GULP1: variants seen among roughly 807,000 people sequenced by gnomAD.
GULP1 encodes the protein GULP PTB domain containing engulfment adaptor 1.
In GULP1, 19 loss-of-function variants were observed where a neutral mutation model predicts 40.9. The observed-to-expected ratio is 0.46, with a 90% CI of 0.32 to 0.68. The LOEUF (loss-of-function observed/expected upper bound fraction) is 0.68, where lower values mean the gene tolerates loss of function less well. Ranked by LOEUF, GULP1 falls within the 30% of genes least tolerant of loss-of-function variation. GULP1 has a pLI of 0.03. For missense variants in GULP1, 312 were observed against 362.2 expected (o/e 0.86, Z 1.12); for synonymous variants, 119 against 117.6 (o/e 1.01, Z -0.08).
intron 2 of GULP1, among the ~76,000 whole-genome samples, chr2:188,431,431 A>G (rs1381988553): frequency 3.3e-5 from 5 of 152,202 alleles, no homozygotes; most frequent in Non-Finnish European, 5.9e-5. Context: ...AGCAGGGTAT[A>G]GAAACTGAAC....
Position 188,439,520 on chromosome 2 carries a change from C to T in GULP1, c.-44-38139C>T, listed in dbSNP as rs149622232. Among the ~76,000 whole-genome samples, 162 of 152,038 alleles carry T rather than the reference C, an allele frequency of 1.1e-3. 2 individuals are homozygous for T. The highest frequency in any genetic ancestry group is 7.5e-3 in the South Asian group (36 of 4,812). On this transcript the variant is annotated intron_variant, in intron 2 of 11. Transcript: ENST00000409830. ...ATCCACACAATGGAATGGTAATTGG[C>T]CTTTAAAAATGTGAGATGTGAGAAA...
At chr2:188,511,705 A>G (rs1005745140) in intron 4 of GULP1, among the ~76,000 whole-genome samples, 3 of 152,194 alleles carry the variant, frequency 2.0e-5, no homozygotes, top group Admixed American at 1.3e-4. Context: ...ACAAGAGACT[A>G]TAAAAATAAT....
chr2:188,555,527 T>A lies in GULP1; in HGVS notation c.400-13712T>A, dbSNP rs554889475. 5.3e-5 allele frequency among the ~76,000 whole-genome samples: 8 copies of A among 152,304 alleles called. No homozygotes were observed. The South Asian group carries it at 1.7e-3, about 32-fold the overall frequency. ...TTTTTTTCTTTTAGCACTTTGAATATTTTAGCCCATTCTCTTCTAGTCTGT... is the reference window on the plus strand; with the variant it reads ...TTTTTTTCTTTTAGCACTTTGAATAATTTAGCCCATTCTCTTCTAGTCTGT... On this transcript the variant is annotated intron_variant, in intron 7 of 11. Coordinates refer to ENST00000409830, the MANE Select transcript of GULP1 (RefSeq NM_016315.4).
At chr2:188,344,028 C>T (rs1284142252) in intron 1 of GULP1, among the ~76,000 whole-genome samples, 4 of 152,038 alleles carry the variant, frequency 2.6e-5, no homozygotes, top group South Asian at 2.1e-4. Flanking sequence ...AGGCTGGCCT[C>T]GAACTCCCGA....
intron 4 of GULP1, among the ~76,000 whole-genome samples, chr2:188,506,355 G>A (rs527701779): frequency 6.6e-6 from 1 of 151,904 alleles, no homozygotes; most frequent in East Asian, 1.9e-4. Flanking sequence ...TTTCAAATCA[G>A]TACATAAAAG....
At chr2:188,349,305 T>C (rs2044129972) in intron 1 of GULP1, among the ~76,000 whole-genome samples, 1 of 152,212 alleles carries the variant, frequency 6.6e-6, no homozygotes, top group African/African-American at 2.4e-5. Context: ...ATGTTTAATA[T>C]TTTGAGGGCC....
At chr2:188,332,882 G>A (rs1445633476) in intron 1 of GULP1, among the ~76,000 whole-genome samples, 3 of 152,134 alleles carry the variant, frequency 2.0e-5, no homozygotes. Flanking sequence ...CAATTTTGCG[G>A]TAACTTATAT....
intron 9 of GULP1, among the ~76,000 whole-genome samples, chr2:188,581,785 C>A (rs567377145): frequency 2.9e-4 from 44 of 152,260 alleles, no homozygotes; most frequent in Non-Finnish European, 5.7e-4. Context: ...CTACCTCATA[C>A]AAGTCACAAA....
intron 4 of GULP1, among the ~76,000 whole-genome samples, chr2:188,490,641 A>G (rs1423708252): frequency 6.6e-6 from 1 of 152,038 alleles, no homozygotes; most frequent in Non-Finnish European, 1.5e-5. Context: ...TGATATTTTT[A>G]TTAACATAAT....
At chr2:188,452,802 A>G (rs72911463) in intron 2 of GULP1, among the ~76,000 whole-genome samples, 1,839 of 152,322 alleles carry the variant, frequency 0.012, 15 homozygotes, top group East Asian at 0.023. Context: ...TTCTAGAGGT[A>G]GAATTTGAAT....
intron 2 of GULP1, among the ~76,000 whole-genome samples, chr2:188,403,861 T>C (rs2052668064): frequency 6.6e-6 from 1 of 152,168 alleles, no homozygotes; most frequent in East Asian, 1.9e-4. Flanking sequence ...CTGTTTATCT[T>C]CTGTGGTCTA....
intron 1 of GULP1, among the ~76,000 whole-genome samples, chr2:188,342,781 C>G (rs1210645996): frequency 6.6e-6 from 1 of 152,122 alleles, no homozygotes; most frequent in Non-Finnish European, 1.5e-5. Flanking sequence ...TGCTACTTCT[C>G]TAGTAAAAAT....
intron 1 of GULP1, among the ~76,000 whole-genome samples, chr2:188,347,146 AT>A (rs1458980859): frequency 6.6e-6 from 1 of 152,182 alleles, no homozygotes; most frequent in African/African-American, 2.4e-5. Context: ...ATTAGTAGCA[AT>A]AGCTGCAGGT....
At chr2:188,455,834 G>T (rs564946523) in intron 2 of GULP1, among the ~76,000 whole-genome samples, 1 of 152,308 alleles carries the variant, frequency 6.6e-6, no homozygotes, top group African/African-American at 2.4e-5. Context: ...GACACTTGTT[G>T]AATGGCTTTG....
intron 9 of GULP1, among the ~76,000 whole-genome samples, chr2:188,578,133 G>C (rs183279993): frequency 7.2e-5 from 11 of 151,980 alleles, no homozygotes; most frequent in African/African-American, 2.7e-4. Flanking sequence ...TTTATTGCCA[G>C]TGCAATTAAC....
intron 2 of GULP1, among the ~76,000 whole-genome samples, chr2:188,386,301 A>T (rs936601205): frequency 5.9e-5 from 9 of 152,240 alleles, no homozygotes; most frequent in Admixed American, 2.6e-4. Flanking sequence ...ACTCACTATC[A>T]TGAGAACAGC....
intron 2 of GULP1, among the ~76,000 whole-genome samples, chr2:188,403,369 G>A (rs529504464): frequency 1.9e-4 from 29 of 151,908 alleles, no homozygotes; most frequent in Admixed American, 8.5e-4. Context: ...ATATTGTTAC[G>A]TGCCCTAAAT....
chr2:188,481,437 T>C (rs1003416891), intron 3 of GULP1, among the ~76,000 whole-genome samples: 2 of 152,022 alleles, frequency 1.3e-5, no homozygotes, highest in African/African-American at 4.8e-5. Context: ...TGAGGATATG[T>C]AATAAACAAA....
chr2:188,545,945 C>A (rs1016040611), intron 7 of GULP1, among the ~76,000 whole-genome samples: 2 of 151,672 alleles, frequency 1.3e-5, no homozygotes, highest in African/African-American at 4.8e-5. Context: ...ATATTTACAT[C>A]AGATAAAGTA....
Sources: gnomAD v4.1 joint callset for allele counts (sites outside exome capture counted in the v4.1 genomes callset) on GRCh38, gnomAD v4.1.1 for gene constraint, MANE v1.5 for transcripts, NCBI Gene and HGNC (gene_info 2026-07-23, HGNC 2026-07-21) for gene names.